The following NBAS variants were observed in gnomAD, a reference collection of about 807,000 sequenced individuals.
The protein encoded by NBAS is NAG/BC035112 fusion.
Under a neutral mutation model 302.5 loss-of-function variants are expected in NBAS, and 219 were observed. The observed-to-expected ratio is 0.72, with a 90% CI of 0.65 to 0.81. NBAS has a LOEUF of 0.81. Ranked by LOEUF, NBAS falls within the 30% of genes least tolerant of loss-of-function variation. The pLI, the probability that NBAS is intolerant of heterozygous loss-of-function variation, is 0.00. For synonymous variants in NBAS, 1,118 were observed against 1,021.6 expected, an observed-to-expected ratio of 1.09 and a Z score of -1.80; for missense variants, 2,932 against 2,841.6, an observed-to-expected ratio of 1.03 and a Z score of -0.72.
rs746659458 is a variant in NBAS at position 15,473,267 on chromosome 2, C to G, written c.1680G>C (p.Gln560His). The change falls in exon 16 of 52, where the codon CAG becomes CAC. Residue 560 changes from glutamine (Q) to histidine (H), a missense_variant. Gln to His is a conservative substitution (Grantham distance 24). Coordinates refer to ENST00000281513, the MANE Select transcript of NBAS (RefSeq NM_015909.4). ...GLDTDLVYQR[Q>H]WRKSAVNVAS... ...CAACGTTGACCGCTGACTTCCTCCA[C>G]TGCCTCTGATATACAAGGTCAGTAT... 6.2e-7 allele frequency: 1 copy of G among 1,614,150 alleles called. No homozygotes were observed. Among genetic ancestry groups the G allele is most frequent in the Non-Finnish European group, 8.5e-7 (1 of 1,179,992 alleles).
intron 9 of NBAS, among the ~76,000 whole-genome samples, chr2:15,532,952 G>A (rs1427534707): frequency 6.6e-6 from 1 of 151,850 alleles, no homozygotes; most frequent in African/African-American, 2.4e-5. Context: ...CCTATCAAAA[G>A]AAAAGAAACA....
At chr2:15,023,176 T>C in the NBAS span, among the ~76,000 whole-genome samples, 2 of 152,232 alleles carry the variant, frequency 1.3e-5, no homozygotes, top group African/African-American at 4.8e-5. Context: ...ATATATGTAT[T>C]TGATTGCATC....
the NBAS span, among the ~76,000 whole-genome samples, chr2:14,924,901 G>A: frequency 2.6e-5 from 4 of 152,132 alleles, no homozygotes; most frequent in Admixed American, 2.0e-4. Flanking sequence ...AGAAAGTTAG[G>A]TCTCTCAGCG....
chr2:15,417,510 G>T lies in NBAS; in HGVS notation c.2763+17C>A, dbSNP rs771882591. The T allele has an allele frequency of 5.0e-6, 8 of 1,598,432 alleles. No homozygotes were observed. The highest frequency in any genetic ancestry group is 6.0e-6 in the Non-Finnish European group (7 of 1,166,964). On this transcript the variant is annotated intron_variant, in intron 24 of 51. Transcript: ENST00000281513. ...ATGCTTTAAAATATTTAAAAAGGAA[G>T]TTAAAATAAAACCTACACTATTCAT...
the NBAS span, among the ~76,000 whole-genome samples, chr2:14,799,562 A>G: frequency 6.6e-6 from 1 of 152,134 alleles, no homozygotes; most frequent in East Asian, 1.9e-4. Context: ...GTTCTAAAAT[A>G]CCAGTAGTTC....
At chr2:15,539,383 T>G (rs371610884) in intron 6 of NBAS, 27 bp from the exon 7 acceptor site, 25 of 1,613,770 alleles carry the variant, frequency 1.5e-5, no homozygotes, top group Non-Finnish European at 2.0e-5. Flanking sequence ...CAAGAGGTGC[T>G]TCTAACAATA....
intron 44 of NBAS, among the ~76,000 whole-genome samples, chr2:15,249,973 A>G (rs1668285920): frequency 6.6e-6 from 1 of 152,246 alleles, no homozygotes; most frequent in Non-Finnish European, 1.5e-5. Context: ...TTTAAATTTC[A>G]TATGGAACCA....
At chr2:14,808,935 TTTCTTGTGTTTTAGCAAAG>T in the NBAS span, among the ~76,000 whole-genome samples, 203 of 152,302 alleles carry the variant, frequency 1.3e-3, 1 homozygote, top group African/African-American at 4.8e-3. Context: ...AAAGATGACT[TTTCTTGTGTTTTAGCAAAG>T]AAACTGGTGG....
intron 32 of NBAS, among the ~76,000 whole-genome samples, chr2:15,362,961 A>C (rs1004763862): frequency 6.6e-6 from 1 of 152,016 alleles, no homozygotes; most frequent in Non-Finnish European, 1.5e-5. Context: ...AGTGGTTCAC[A>C]CCTGCAATCC....
chr2:15,398,501 T>A (rs896998198), intron 26 of NBAS, among the ~76,000 whole-genome samples: 14 of 152,190 alleles, frequency 9.2e-5, no homozygotes, highest in Admixed American at 4.6e-4. Context: ...ATATTAGAGA[T>A]ACAATATTCT....
chr2:15,561,088 A>C (rs1573019715), intron 1 of NBAS, 100 bp downstream of exon 1: 301 of 460,606 alleles, frequency 6.5e-4, no homozygotes, highest in East Asian at 1.7e-3. Flanking sequence ...CTAGTCCCCC[A>C]CCCACCCGTC....
chr2:15,060,647 T>A, the NBAS span, among the ~76,000 whole-genome samples: 2 of 151,724 alleles, frequency 1.3e-5, no homozygotes, highest in African/African-American at 2.4e-5. Flanking sequence ...GGACTTCGAG[T>A]CGGGGAGGGG....
At chr2:15,474,373 A>C in intron 14 of NBAS, 49 bp from the exon 15 acceptor site, 1 of 1,502,402 alleles carries the variant, frequency 6.7e-7, no homozygotes, top group Non-Finnish European at 9.0e-7. Context: ...AATAAGAATA[A>C]CTTTTTAGAA....
chr2:14,883,252 C>A, the NBAS span, among the ~76,000 whole-genome samples: 1 of 152,132 alleles, frequency 6.6e-6, no homozygotes, highest in Non-Finnish European at 1.5e-5. Context: ...TTCGTATTTT[C>A]TCCGAAAAGC....
chr2:15,514,493 T>C (rs993801836), intron 9 of NBAS, among the ~76,000 whole-genome samples: 1 of 152,168 alleles, frequency 6.6e-6, no homozygotes, highest in Non-Finnish European at 1.5e-5. Flanking sequence ...GTAACCTCTA[T>C]TGAACCTCTA....
At chr2:15,134,056 TTCTCTCTCTCTCTCTCTC>T in the NBAS span, among the ~76,000 whole-genome samples, 1 of 145,666 alleles carries the variant, frequency 6.9e-6, no homozygotes. Flanking sequence ...GAACATTTCT[TTCTCTCTCTCTCTCTCTC>T]TCTCTCTCTC....
the NBAS span, among the ~76,000 whole-genome samples, chr2:14,923,641 T>C: frequency 6.6e-6 from 1 of 152,128 alleles, no homozygotes; most frequent in African/African-American, 2.4e-5. Context: ...TTTCACAACG[T>C]AGGACATGGA....
rs140552835 is a variant in NBAS, at chr2:15,553,863, C to CCTCTCTCCCTCT, written c.287+186_287+197dup. On this transcript the variant is annotated intron_variant, in intron 4 of 51. Transcript: ENST00000281513. Reference sequence around the variant, plus strand: ...CTCCCTCTTCCTCTCTCCCTCCCTCCCTCTCTCCCTCTCTCTCTCCCTCTC... The same window carrying CCTCTCTCCCTCT: ...CTCCCTCTTCCTCTCTCCCTCCCTCCCTCTCTCCCTCTCTCTCTCCCTCTCTCTCTCCCTCTC... 1.1e-4 allele frequency among the ~76,000 whole-genome samples: 15 copies of CCTCTCTCCCTCT among 134,218 alleles called. No individual in the cohort carries two copies. The East Asian group carries it at 3.3e-3, about 30-fold the overall frequency. 88.1% of individuals were successfully genotyped at this position (134,218 alleles called of 152,430 possible).
chr2:15,239,797 T>C (rs1364022035), intron 44 of NBAS, among the ~76,000 whole-genome samples: 2 of 152,140 alleles, frequency 1.3e-5, no homozygotes, highest in Non-Finnish European at 2.9e-5. Flanking sequence ...ACCCATTTAT[T>C]CAGTGACACG....
Sources: gnomAD v4.1 joint callset for allele counts (sites outside exome capture counted in the v4.1 genomes callset) on GRCh38, gnomAD v4.1.1 for gene constraint, MANE v1.5 for transcripts, NCBI Gene and HGNC (gene_info 2026-07-23, HGNC 2026-07-21) for gene names.